Variants in PLXDC2 observed in about 807,000 individuals in gnomAD.
The protein encoded by PLXDC2 is plexin domain-containing protein 2.
Under a neutral mutation model 68.9 loss-of-function variants are expected in PLXDC2, and 40 were observed. The ratio of observed to expected loss-of-function variants is 0.58; its 90% CI spans 0.45 to 0.76. The LOEUF (loss-of-function observed/expected upper bound fraction) is 0.76, where lower values mean the gene tolerates loss of function less well. PLXDC2 is among the 30% of genes least tolerant of loss of function. PLXDC2 has a pLI of 0.00. For synonymous variants in PLXDC2, 243 were observed against 234.2 expected, an observed-to-expected ratio of 1.04 and a Z score of -0.34; for missense variants, 644 against 661.9, an observed-to-expected ratio of 0.97 and a Z score of 0.30.
chr10:20,037,917 C>G (rs555208974), intron 2 of PLXDC2, among the ~76,000 whole-genome samples: 2 of 152,192 alleles, frequency 1.3e-5, no homozygotes, highest in African/African-American at 4.8e-5. Flanking sequence ...CACACATACA[C>G]ACACCCCACT....
chr10:19,883,409 T>C (rs997710160), intron 1 of PLXDC2, among the ~76,000 whole-genome samples: 1 of 152,226 alleles, frequency 6.6e-6, no homozygotes, highest in Non-Finnish European at 1.5e-5. Context: ...TTCTTTTCAC[T>C]ATGCAGATTA....
chr10:20,223,420 C>G (rs1040995562), intron 12 of PLXDC2, among the ~76,000 whole-genome samples: 1 of 149,384 alleles, frequency 6.7e-6, no homozygotes, highest in Admixed American at 6.8e-5. Context: ...TCAAGCGATT[C>G]TCCTGCCTCA....
intron 2 of PLXDC2, among the ~76,000 whole-genome samples, chr10:20,012,402 C>T (rs966665252): frequency 1.4e-5 from 2 of 145,550 alleles, no homozygotes; most frequent in African/African-American, 2.5e-5. Flanking sequence ...ACTGCACCCT[C>T]CACCTTCCAG....
intron 13 of PLXDC2, among the ~76,000 whole-genome samples, chr10:20,256,359 C>T (rs927227060): frequency 6.6e-6 from 1 of 151,834 alleles, no homozygotes; most frequent in Admixed American, 6.6e-5. Context: ...TCTCAAACTC[C>T]TGACCTCAAA....
intron 2 of PLXDC2, among the ~76,000 whole-genome samples, chr10:20,003,499 C>G (rs1207318605): frequency 6.6e-6 from 1 of 152,162 alleles, no homozygotes; most frequent in Non-Finnish European, 1.5e-5. Flanking sequence ...GTGGCATGAT[C>G]TCGGCTCACT....
intron 3 of PLXDC2, among the ~76,000 whole-genome samples, chr10:20,054,464 A>G (rs907667837): frequency 2.0e-5 from 3 of 151,944 alleles, no homozygotes; most frequent in African/African-American, 7.3e-5. Context: ...GGGTAGAGAT[A>G]TAGGTATAGG....
At chr10:20,082,988 T>C (rs996032157) in intron 4 of PLXDC2, among the ~76,000 whole-genome samples, 1 of 151,336 alleles carries the variant, frequency 6.6e-6, no homozygotes. Context: ...GACAGATGTA[T>C]TTATACATGT....
intron 13 of PLXDC2, among the ~76,000 whole-genome samples, chr10:20,253,979 G>A (rs1024161009): frequency 6.6e-6 from 1 of 152,108 alleles, no homozygotes; most frequent in Admixed American, 6.6e-5. Context: ...CTACCCCTTT[G>A]TTGGAGTCAA....
chr10:19,925,153 G>A (rs559467527), intron 1 of PLXDC2, among the ~76,000 whole-genome samples: 10 of 152,160 alleles, frequency 6.6e-5, no homozygotes, highest in South Asian at 2.1e-4. Context: ...TCAAAGTGCC[G>A]GAGAAGGTCA....
intron 1 of PLXDC2, among the ~76,000 whole-genome samples, chr10:19,975,430 C>A (rs911650468): frequency 1.3e-5 from 2 of 152,036 alleles, no homozygotes; most frequent in African/African-American, 4.8e-5. Context: ...TGCCCTCCAG[C>A]CTGGGAGACA....
At chr10:19,879,200 G>A (rs770620249) in intron 1 of PLXDC2, among the ~76,000 whole-genome samples, 7 of 152,114 alleles carry the variant, frequency 4.6e-5, no homozygotes, top group Non-Finnish European at 7.4e-5. Flanking sequence ...CCCTGAAAAC[G>A]ACAACTTCCA....
rs1260468348 is a variant in PLXDC2, at chr10:20,126,712, T to TTATATATGTATATAG, written c.542-16583_542-16582insTATATATGTATATAG. 5.6e-3 allele frequency among the ~76,000 whole-genome samples: 35 copies of TTATATATGTATATAG among 6,198 alleles called. 16 individuals are homozygous for TTATATATGTATATAG. Among genetic ancestry groups the TTATATATGTATATAG allele is most frequent in the South Asian group, 0.026 (16 of 614 alleles). 4.1% of individuals were successfully genotyped at this position (6,198 alleles called of 152,430 possible). A position where few individuals can be genotyped will look rare whatever the true frequency, so the allele number is the denominator to read the frequency against. ...ATAACACACGTTATATATGTATATA[T>TTATATATGTATATAG]AACACACACGTTATATATGTATATA... On this transcript the variant is annotated intron_variant, in intron 4 of 13. Coordinates refer to ENST00000377252, the MANE Select transcript of PLXDC2 (RefSeq NM_032812.9).
At chr10:20,115,300 C>A (rs1156991566) in intron 4 of PLXDC2, among the ~76,000 whole-genome samples, 1 of 152,284 alleles carries the variant, frequency 6.6e-6, no homozygotes, top group East Asian at 1.9e-4. Context: ...TTGTCCTCTT[C>A]CTTTTGCGAG....
intron 4 of PLXDC2, among the ~76,000 whole-genome samples, chr10:20,088,163 C>T (rs1277952990): frequency 2.6e-5 from 4 of 152,136 alleles, no homozygotes; most frequent in Non-Finnish European, 5.9e-5. Flanking sequence ...TTCAAATCTA[C>T]TTTAACTCTG....
intron 1 of PLXDC2, among the ~76,000 whole-genome samples, chr10:19,885,546 G>A (rs902173699): frequency 4.6e-5 from 7 of 152,066 alleles, no homozygotes; most frequent in Non-Finnish European, 8.8e-5. Flanking sequence ...TGTAAGGAAG[G>A]GATCCAGTTT....
chr10:20,122,392 G>C lies in PLXDC2; in HGVS notation c.542-20903G>C, dbSNP rs368412567. Among the ~76,000 whole-genome samples, 8 of 152,320 alleles carry C rather than the reference G, an allele frequency of 5.3e-5. No individual in the cohort carries two copies. The East Asian group carries it at 1.5e-3, about 29-fold the overall frequency. On this transcript the variant is annotated intron_variant, in intron 4 of 13. Coordinates refer to ENST00000377252, the MANE Select transcript of PLXDC2 (RefSeq NM_032812.9). Reference sequence around the variant, plus strand: ...GAAGCTCAGCGTCCGTGATGGTCTAGGGGGCTTTCGAGGCGATTGGGCAGC... The same window carrying C: ...GAAGCTCAGCGTCCGTGATGGTCTACGGGGCTTTCGAGGCGATTGGGCAGC...
At chr10:20,211,830 A>C in intron 10 of PLXDC2, 101 bp downstream of exon 10, 1 of 1,096,536 alleles carries the variant, frequency 9.1e-7, no homozygotes, top group Non-Finnish European at 1.3e-6. Context: ...CCTAAAACTT[A>C]ATGAAAGGAG....
chr10:19,940,235 C>T (rs1284576766), intron 1 of PLXDC2, among the ~76,000 whole-genome samples: 1 of 151,966 alleles, frequency 6.6e-6, no homozygotes, highest in Non-Finnish European at 1.5e-5. Context: ...GAACCTTGAA[C>T]ATAGTCATGT....
chr10:20,053,342 A>G (rs991807174), intron 3 of PLXDC2, among the ~76,000 whole-genome samples: 1 of 152,158 alleles, frequency 6.6e-6, no homozygotes, highest in African/African-American at 2.4e-5. Context: ...AAATTAAGGC[A>G]AAGACCATGT....
Sources: gnomAD v4.1 joint callset for allele counts (sites outside exome capture counted in the v4.1 genomes callset) on GRCh38, gnomAD v4.1.1 for gene constraint, MANE v1.5 for transcripts, NCBI Gene and HGNC (gene_info 2026-07-23, HGNC 2026-07-21) for gene names.